The following WDR20 variants were observed in gnomAD, a reference collection of about 807,000 sequenced individuals.
The protein encoded by WDR20 is WD repeat-containing protein 20.
Under a neutral mutation model 38.7 loss-of-function variants are expected in WDR20, and 3 were observed. The observed-to-expected ratio is 0.08, with a 90% CI of 0.04 to 0.20. The LOEUF is 0.20. WDR20 is among the 10% of genes least tolerant of loss of function. WDR20 has a pLI of 1.00. For missense variants in WDR20, 559 were observed against 727.7 expected, an observed-to-expected ratio of 0.77 and a Z score of 2.67; for synonymous variants, 298 against 285.6, an observed-to-expected ratio of 1.04 and a Z score of -0.44.
chr14:102,178,223 C>CA (rs2062586434), intron 1 of WDR20, among the ~76,000 whole-genome samples: 2 of 151,930 alleles, frequency 1.3e-5, no homozygotes, highest in Admixed American at 1.3e-4. Context: ...GAAACCCCGT[C>CA]TCTACCAAAA....
intron 1 of WDR20, among the ~76,000 whole-genome samples, chr14:102,178,738 CTATT>C (rs2062723127): frequency 6.6e-6 from 1 of 151,924 alleles, no homozygotes; most frequent in African/African-American, 2.4e-5. Context: ...AGCTCACTGA[CTATT>C]TAATTTGTAG....
chr14:102,206,851 A>G (rs1329878969), intron 2 of WDR20, among the ~76,000 whole-genome samples: 1 of 152,094 alleles, frequency 6.6e-6, no homozygotes, highest in African/African-American at 2.4e-5. Context: ...TCCACCGTTC[A>G]CCATCCCATC....
chr14:102,224,752 AG>A (rs1359910411), downstream of WDR20: 8 of 456,014 alleles, frequency 1.8e-5, no homozygotes, highest in Non-Finnish European at 3.5e-5. Context: ...AGGCGCCAGC[AG>A]GGACTCTGGA....
downstream of WDR20, chr14:102,214,185 C>G: frequency 1.0e-6 from 1 of 985,678 alleles, no homozygotes; most frequent in Non-Finnish European, 1.2e-6. Flanking sequence ...CTCCTCCGGT[C>G]TGGTCTGGGT....
chr14:102,142,812 T>C (rs1055087912), intron 1 of WDR20, among the ~76,000 whole-genome samples: 1 of 132,346 alleles, frequency 7.6e-6, no homozygotes, highest in African/African-American at 2.9e-5. Flanking sequence ...CTTTGAGGCG[T>C]GTAAAATTTT....
At chr14:102,172,145 A>C (rs2060960659) in intron 1 of WDR20, among the ~76,000 whole-genome samples, 1 of 151,392 alleles carries the variant, frequency 6.6e-6, no homozygotes, top group African/African-American at 2.4e-5. Context: ...CTGTTTAACA[A>C]AGCACATCTT....
chr14:102,208,845 G>A lies in WDR20; in HGVS notation c.675G>A (p.Glu225=). 2 of 1,614,236 alleles carry A rather than the reference G, an allele frequency of 1.2e-6. No homozygotes were observed. Among genetic ancestry groups the A allele is most frequent in the Non-Finnish European group, 1.7e-6 (2 of 1,180,032 alleles). The change falls in exon 3 of 3, where the codon GAG becomes GAA. Residue 225 remains glutamate (E), a synonymous_variant. Coordinates refer to ENST00000342702, the MANE Select transcript of WDR20 (RefSeq NM_144574.4). The surrounding 1 kb of genome is among the most constrained non-coding windows in gnomAD (Gnocchi z 5.6). ...KWTVGEGALN[E]FAFSPDGKFL... ...CGGTGGGCGAGGGGGCCCTCAACGA[G>A]TTTGCTTTCTCCCCAGATGGCAAGT...
chr14:102,167,085 G>T (rs949916832), intron 1 of WDR20, among the ~76,000 whole-genome samples: 2 of 152,182 alleles, frequency 1.3e-5, no homozygotes, highest in Non-Finnish European at 2.9e-5. Context: ...CAGCGTACAA[G>T]CCCTGCATGA....
intron 1 of WDR20, among the ~76,000 whole-genome samples, chr14:102,186,006 G>A (rs2064608796): frequency 6.6e-6 from 1 of 152,152 alleles, no homozygotes; most frequent in African/African-American, 2.4e-5. Context: ...AAATAACACA[G>A]ATAAGTTCTT....
chr14:102,213,774 G>A (rs1445744250), downstream of WDR20: 6 of 985,282 alleles, frequency 6.1e-6, no homozygotes, highest in African/African-American at 1.7e-5. Context: ...ATCACCTCTC[G>A]CCTGGGAGGG....
At chr14:102,174,043 CAAAA>C (rs776153847) in intron 1 of WDR20, among the ~76,000 whole-genome samples, 2 of 87,770 alleles carry the variant, frequency 2.3e-5, no homozygotes, top group African/African-American at 4.3e-5. Flanking sequence ...GACTCCATCT[CAAAA>C]AAAAAAAAAA....
intron 1 of WDR20, among the ~76,000 whole-genome samples, chr14:102,154,169 AG>A (rs1280623510): frequency 3.3e-5 from 5 of 152,244 alleles, no homozygotes; most frequent in Non-Finnish European, 5.9e-5. Flanking sequence ...TCTCAAAAAA[AG>A]AAAAAATCTT....
chr14:102,185,520 G>A (rs1460633850), intron 1 of WDR20, among the ~76,000 whole-genome samples: 5 of 152,070 alleles, frequency 3.3e-5, no homozygotes, highest in Non-Finnish European at 5.9e-5. Context: ...CTGGAATTTC[G>A]ATGGCCAGAC....
chr14:102,208,665 C>T lies in WDR20; in HGVS notation c.495C>T (p.Phe165=). The T allele has an allele frequency of 1.2e-6, 2 of 1,613,622 alleles. No homozygotes were observed. The highest frequency in any genetic ancestry group is 1.1e-5 in the South Asian group (1 of 91,080). Residue 165 remains phenylalanine, a synonymous_variant, in exon 3 of 3, where the codon TTC becomes TTT. Transcript: ENST00000342702. The surrounding 1 kb of genome is among the most constrained non-coding windows in gnomAD (Gnocchi z 5.6). ...VKWVPGSESL[F]LVAHSSGNMY... ...GGGTTCCCGGTTCGGAAAGCCTTTT[C>T]CTAGTAGCCCACTCGAGTGGGAACA...
At chr14:102,212,656 T>C (rs1234188426), downstream of WDR20, 9 of 1,527,380 alleles carry the variant, frequency 5.9e-6, no homozygotes, top group Non-Finnish European at 7.9e-6. Context: ...GCTGTGCTTC[T>C]GAGTAATGGC....
At chr14:102,188,872 CA>C (rs34508888) in intron 1 of WDR20, among the ~76,000 whole-genome samples, 7,563 of 97,402 alleles carry the variant, frequency 0.078, 435 homozygotes, top group African/African-American at 0.19. Flanking sequence ...GACCCTGTTT[CA>C]AAAAAAAAAA....
At chr14:102,203,770 A>T (rs936567280) in intron 2 of WDR20, among the ~76,000 whole-genome samples, 2 of 152,168 alleles carry the variant, frequency 1.3e-5, no homozygotes, top group African/African-American at 4.8e-5. Flanking sequence ...ATTGGAGAGA[A>T]TTCAAGCCCA....
chr14:102,222,199 C>T lies in WDR20; in HGVS notation c.1693-631C>T, dbSNP rs992289125. 1.3e-5 allele frequency among the ~76,000 whole-genome samples: 2 copies of T among 152,124 alleles called. No homozygotes were observed. Among genetic ancestry groups the T allele is most frequent in the Admixed American group, 6.6e-5 (1 of 15,266 alleles). ...GGTTGGCCCCCACATCCCTTCTCCA[C>T]ACCCAGCTGCAGCCTCACGGCAAGA... On this transcript the variant is annotated intron_variant, in intron 3 of 3. Coordinates refer to the WDR20 transcript ENST00000335263. This position sits in a 1 kb window ranked among gnomAD's most constrained non-coding sequence, Gnocchi z 4.4.
downstream of WDR20, chr14:102,214,375 G>C: frequency 1.0e-6 from 1 of 985,448 alleles, no homozygotes; most frequent in Non-Finnish European, 1.2e-6. Context: ...TAGTCTGGCC[G>C]AAGTGAAGTC....
Sources: gnomAD v4.1 joint callset for allele counts (sites outside exome capture counted in the v4.1 genomes callset) on GRCh38, gnomAD v4.1.1 for gene constraint, Gnocchi (gnomAD v3.1) non-coding constraint, MANE v1.5 for transcripts, NCBI Gene and HGNC (gene_info 2026-07-23, HGNC 2026-07-21) for gene names.